SAAL1: variants seen among roughly 807,000 people sequenced by gnomAD.
SAAL1 encodes serum amyloid A like 1, also known as protein SAAL1.
SAAL1 carries 42 observed loss-of-function variants against 59.8 expected under a neutral mutation model. That is an observed-to-expected ratio of 0.70 (90% CI 0.55 to 0.91). The LOEUF (loss-of-function observed/expected upper bound fraction) is 0.91. SAAL1 is among the 40% of genes least tolerant of loss of function. The pLI is 0.00. For synonymous variants in SAAL1, 191 were observed against 194.3 expected, an observed-to-expected ratio of 0.98 and a Z score of 0.14; for missense variants, 542 against 561.1, an observed-to-expected ratio of 0.97 and a Z score of 0.34.
chr11:18,080,568 T>G, intron 11 of SAAL1, 77 bp from the exon 12 acceptor site: 1 of 912,438 alleles, frequency 1.1e-6, no homozygotes, highest in Non-Finnish European at 1.7e-6. Context: ...GCTCTACCTG[T>G]GGTTTCTAAA....
At chr11:18,096,569 G>A (rs900385721) in intron 3 of SAAL1, among the ~76,000 whole-genome samples, 2 of 152,008 alleles carry the variant, frequency 1.3e-5, no homozygotes, top group African/African-American at 2.4e-5. Context: ...TGGAGACATA[G>A]TGAGACCCTG....
chr11:18,089,200 T>C, intron 7 of SAAL1, 130 bp downstream of exon 7: 1 of 728,246 alleles, frequency 1.4e-6, no homozygotes, highest in Non-Finnish European at 2.1e-6. Context: ...ATAGTAGTAG[T>C]GAATTAACGT....
chr11:18,083,407 G>A, intron 10 of SAAL1, 128 bp downstream of exon 10: 1 of 561,144 alleles, frequency 1.8e-6, no homozygotes, highest in East Asian at 2.9e-5. Flanking sequence ...AACTCATGGT[G>A]ATATTAAGAT....
intron 2 of SAAL1, among the ~76,000 whole-genome samples, chr11:18,099,314 G>A (rs994208680): frequency 1.3e-5 from 2 of 152,102 alleles, no homozygotes; most frequent in African/African-American, 4.8e-5. Context: ...TACCTCTCAG[G>A]TATTCATCTA....
intron 9 of SAAL1, 65 bp downstream of exon 9, chr11:18,086,801 G>A (rs768659632): frequency 7.6e-5 from 84 of 1,098,240 alleles, no homozygotes; most frequent in Non-Finnish European, 9.7e-5. Context: ...GGAAATGAAA[G>A]CATTTTTTAA....
chr11:18,096,755 A>G lies in SAAL1; in HGVS notation c.333+16T>C, dbSNP rs1848581183. On this transcript the variant is annotated intron_variant, in intron 3 of 11. Coordinates refer to ENST00000524803, the MANE Select transcript of SAAL1 (RefSeq NM_138421.3). ...ATTGCTTCAAAGAAGAAGGCTTTAG[A>G]AATGTACATACTTACTCTTAATCGA... 3.1e-6 allele frequency: 4 copies of G among 1,287,198 alleles called. No individual in the cohort carries two copies. Among genetic ancestry groups the G allele is most frequent in the Middle Eastern group, 1.9e-4 (1 of 5,394 alleles). 79.7% of individuals were successfully genotyped at this position (1,287,198 alleles called of 1,614,324 possible).
chr11:18,083,966 T>C (rs1487493286), intron 9 of SAAL1, among the ~76,000 whole-genome samples: 2 of 152,168 alleles, frequency 1.3e-5, no homozygotes, highest in Non-Finnish European at 2.9e-5. Context: ...GAATATAATA[T>C]AGCAGCCTAG....
In SAAL1 at chr11:18,104,126, T is replaced by C. The variant is rs147833809; in HGVS notation, c.136-780A>G. Among the ~76,000 whole-genome samples the C allele has an allele frequency of 1.9e-4, 29 of 152,342 alleles. No homozygotes were observed. The East Asian group carries it at 5.2e-3, about 27-fold the overall frequency. On this transcript the variant is annotated intron_variant, in intron 1 of 11. Coordinates refer to ENST00000524803, the MANE Select transcript of SAAL1 (RefSeq NM_138421.3). ...GGTGATGTTCTTGTGTCCAGAAATATGCCACAGGGACTTAACTCTTGTTTA... is the reference window on the plus strand; with the variant it reads ...GGTGATGTTCTTGTGTCCAGAAATACGCCACAGGGACTTAACTCTTGTTTA...
chr11:18,082,656 G>C (rs1848422885), intron 10 of SAAL1, among the ~76,000 whole-genome samples: 1 of 152,110 alleles, frequency 6.6e-6, no homozygotes, highest in Non-Finnish European at 1.5e-5. Context: ...TTTTGAGATA[G>C]GGTCTCACTC....
intron 6 of SAAL1, 126 bp from the exon 7 acceptor site, chr11:18,089,636 G>C: frequency 1.4e-6 from 1 of 701,378 alleles, no homozygotes; most frequent in South Asian, 2.2e-5. Context: ...TCTAAAGGGT[G>C]ATTTACTTAT....
Position 18,090,515 on chromosome 11 carries a change from C to T in SAAL1, c.414-22G>A, listed in dbSNP as rs78732027. On this transcript the variant is annotated intron_variant, in intron 4 of 11. Transcript: ENST00000524803. ...CTGCCTACAAAAACAAAGAAGTTAA[C>T]CGATATGCCTCACTTCTCGCATTTA... The T allele has an allele frequency of 4.1e-3, 6,611 of 1,596,698 alleles. 151 individuals are homozygous for T. The African/African-American group carries it at 0.062, about 15-fold the overall frequency.
At position 18,081,447 on chromosome 11, in the gene SAAL1, A is replaced by G. The variant is rs1166780213; in HGVS notation, c.1296T>C (p.Ser432=). The G allele has an allele frequency of 6.2e-7, 1 of 1,613,960 alleles. No homozygotes were observed. Among genetic ancestry groups the G allele is most frequent in the African/African-American group, 1.3e-5 (1 of 74,950 alleles). The change falls in exon 11 of 12, where the codon TCT becomes TCC. Residue 432 remains serine (S), a synonymous_variant. Coordinates refer to ENST00000524803, the MANE Select transcript of SAAL1 (RefSeq NM_138421.3). ...EGQLSKQKCS[S]AFQNLLPFYS... ...AGAAAGGAAGAAGGTTTTGAAATGC[A>G]GAGGAACACTTCTGTTTGCTCAACT...
intron 1 of SAAL1, among the ~76,000 whole-genome samples, chr11:18,105,332 C>CTTTTT (rs905892562): frequency 7.8e-6 from 1 of 127,442 alleles, no homozygotes; most frequent in Non-Finnish European, 1.7e-5. Context: ...TCACGACCGG[C>CTTTTT]TTTTTTTTTT....
chr11:18,101,944 A>G (rs2134066056), intron 2 of SAAL1, among the ~76,000 whole-genome samples: 1 of 152,318 alleles, frequency 6.6e-6, no homozygotes. Context: ...TAGAATACAT[A>G]CTAATCTGTA....
chr11:18,098,088 A>C (rs910009202), intron 2 of SAAL1, among the ~76,000 whole-genome samples: 1 of 152,190 alleles, frequency 6.6e-6, no homozygotes, highest in African/African-American at 2.4e-5. Context: ...CAGAGGGTGC[A>C]GTGAGCTGAG....
intron 10 of SAAL1, among the ~76,000 whole-genome samples, chr11:18,082,981 C>T (rs1266145480): frequency 6.6e-6 from 1 of 152,084 alleles, no homozygotes; most frequent in African/African-American, 2.4e-5. Context: ...ATATATTCTT[C>T]ACAGCTATAT....
In SAAL1 at chr11:18,082,450, A is replaced by G. The variant is rs1368804029; in HGVS notation, c.1240-947T>C. Among the ~76,000 whole-genome samples, 10 of 152,364 alleles carry G rather than the reference A, an allele frequency of 6.6e-5. No individual in the cohort carries two copies. The South Asian group carries it at 2.1e-3, about 32-fold the overall frequency. ...AAAACCAACATTTTCACATATAAATAGCATTTTGACAAAATATGGCCATCA... is the reference window on the plus strand; with the variant it reads ...AAAACCAACATTTTCACATATAAATGGCATTTTGACAAAATATGGCCATCA... On this transcript the variant is annotated intron_variant, in intron 10 of 11. Coordinates refer to ENST00000524803, the MANE Select transcript of SAAL1 (RefSeq NM_138421.3).
At chr11:18,101,618 A>G (rs1272050262) in intron 2 of SAAL1, among the ~76,000 whole-genome samples, 1 of 152,158 alleles carries the variant, frequency 6.6e-6, no homozygotes, top group Non-Finnish European at 1.5e-5. Context: ...AGTCTCAGGT[A>G]TTTCCTTATA....
At chr11:18,092,421 G>C (rs1848531919) in intron 3 of SAAL1, 97 bp from the exon 4 acceptor site, 1 of 776,704 alleles carries the variant, frequency 1.3e-6, no homozygotes, top group African/African-American at 1.7e-5. Context: ...GCCAAGTTTT[G>C]GGGCAAGGCG....
Sources: allele counts gnomAD v4.1 joint callset (sites outside exome capture counted in the v4.1 genomes callset), GRCh38; gene constraint gnomAD v4.1.1; transcripts MANE v1.5; gene names NCBI Gene and HGNC (gene_info 2026-07-23, HGNC 2026-07-21).